ADGRL2: variants seen among roughly 807,000 people sequenced by gnomAD.
ADGRL2 encodes calcium-independent alpha-latrotoxin receptor 2.
In ADGRL2, 44 loss-of-function variants were observed where a neutral mutation model predicts 157.4. That is an observed-to-expected ratio of 0.28 (90% confidence interval 0.22 to 0.36). The LOEUF is 0.36. ADGRL2 is among the 10% of genes least tolerant of loss of function. The probability of loss-of-function intolerance (pLI) is 1.00; values close to 1 mark genes in which losing one functional copy is unlikely to be tolerated. For missense variants in ADGRL2, 1,510 were observed against 1,768.9 expected (o/e 0.85, Z 2.63); for synonymous variants, 585 against 624.7 (o/e 0.94, Z 0.95).
rs542727270 is a variant in ADGRL2, at chr1:81,429,597, G to A, written c.-301-15439G>A. Among the ~76,000 whole-genome samples, 81 of 152,260 alleles carry A rather than the reference G, an allele frequency of 5.3e-4. No homozygotes were observed. The South Asian group carries it at 9.3e-3, about 18-fold the overall frequency. On this transcript the variant is annotated intron_variant, in intron 1 of 24. Coordinates refer to the ADGRL2 transcript ENST00000370721. ...CTCAAACCAAATGCCTGCTTCCTTC[G>A]GTTCTGCCCTGAAGGAATGCTGCTA...
At chr1:81,837,451 G>A (rs1422904879) in intron 2 of ADGRL2, among the ~76,000 whole-genome samples, 1 of 151,794 alleles carries the variant, frequency 6.6e-6, no homozygotes, top group East Asian at 1.9e-4. Flanking sequence ...AAACTCCTAA[G>A]TTAAAATATG....
chr1:81,876,308 T>C (rs1383328927), intron 2 of ADGRL2, among the ~76,000 whole-genome samples: 1 of 152,170 alleles, frequency 6.6e-6, no homozygotes, highest in East Asian at 1.9e-4. Context: ...TCATTTATTT[T>C]TATCATAATT....
At chr1:81,607,551 C>T (rs1219793330) in intron 3 of ADGRL2, among the ~76,000 whole-genome samples, 2 of 148,206 alleles carry the variant, frequency 1.3e-5, no homozygotes, top group African/African-American at 2.4e-5. Flanking sequence ...CAAGATGACA[C>T]CAAAAAGTTC....
intron 2 of ADGRL2, among the ~76,000 whole-genome samples, chr1:81,449,571 A>G (rs2077667947): frequency 6.6e-6 from 1 of 152,138 alleles, no homozygotes; most frequent in Non-Finnish European, 1.5e-5. Flanking sequence ...CTACAATTAC[A>G]ACAGTTGAAT....
rs556745347 is a variant in ADGRL2, at chr1:81,992,118, A to T, written c.*973A>T. ...AAAAGATTGTGTGTCACCCCTGTTT[A>T]TTCTTGAACAGAGGGCAAAGAGGGC... On this transcript the variant is annotated 3_prime_UTR_variant, in exon 24 of 24. Coordinates refer to ENST00000686636, the MANE Select transcript of ADGRL2 (RefSeq NM_001366006.2). 6.5e-6 allele frequency: 1 copy of T among 152,692 alleles called. No individual in the cohort carries two copies. The highest frequency in any genetic ancestry group is 6.5e-5 in the Admixed American group (1 of 15,288). 9.5% of individuals were successfully genotyped at this position (152,692 alleles called of 1,614,324 possible).
chr1:81,991,194 A>G lies in ADGRL2; in HGVS notation c.*49A>G, dbSNP rs761243663. 8.5e-6 allele frequency: 13 copies of G among 1,521,004 alleles called. No homozygotes were observed. Among genetic ancestry groups the G allele is most frequent in the Non-Finnish European group, 1.1e-5 (12 of 1,128,994 alleles). 94.2% of individuals were successfully genotyped at this position (1,521,004 alleles called of 1,614,324 possible). ...GGCCACATGCGAGTATTAATAAATA[A>G]AGACACCATTGGCCTGACGCAGCTC... On this transcript the variant is annotated 3_prime_UTR_variant, in exon 24 of 24. Transcript: ENST00000686636.
intron 1 of ADGRL2, among the ~76,000 whole-genome samples, chr1:81,377,802 CTTA>C (rs2076275869): frequency 3.4e-5 from 1 of 29,144 alleles, no homozygotes; most frequent in Non-Finnish European, 7.7e-5. Context: ...ATCCTACCTC[CTTA>C]ACACCACATC....
chr1:81,804,466 C>A (rs1329729882), intron 1 of ADGRL2, among the ~76,000 whole-genome samples: 1 of 152,208 alleles, frequency 6.6e-6, no homozygotes, highest in African/African-American at 2.4e-5. Flanking sequence ...GAGAAAACTT[C>A]AGCCTGTCTT....
chr1:81,557,124 G>A (rs910232620), intron 2 of ADGRL2: 3 of 175,192 alleles, frequency 1.7e-5, no homozygotes, highest in African/African-American at 7.2e-5. Flanking sequence ...TGTTCAGGTT[G>A]GCTTCAGAGG....
rs80327519 is a variant in ADGRL2, at chr1:81,356,971, A to AAAAAAAGAAG, written c.-302+50464_-302+50465insAAAAGAAGAA. Among the ~76,000 whole-genome samples the AAAAAAAGAAG allele has an allele frequency of 5.9e-3, 581 of 99,306 alleles. 19 individuals are homozygous for AAAAAAAGAAG. The highest frequency in any genetic ancestry group is 0.016 in the African/African-American group (512 of 31,158). The allele number at this position is 99,306 out of a possible 152,430, so 65.1% of individuals were successfully genotyped here. A position where few individuals can be genotyped will look rare whatever the true frequency, so the allele number is the denominator to read the frequency against. Reference sequence around the variant, plus strand: ...CCGTCTCAAAAAAAAAAAAAAAAAAAAAGAAGTTGTTTCCTTTTAAAGCTC... The same window carrying AAAAAAAGAAG: ...CCGTCTCAAAAAAAAAAAAAAAAAAAAAAAAAGAAGAAGAAGTTGTTTCCTTTTAAAGCTC... On this transcript the variant is annotated intron_variant, in intron 1 of 24. Transcript: ENST00000370721.
chr1:81,788,315 C>T (rs1303882568), intron 2 of ADGRL2, among the ~76,000 whole-genome samples: 1 of 152,148 alleles, frequency 6.6e-6, no homozygotes. Flanking sequence ...GAGGATCCCT[C>T]ATATATGGCT....
intron 1 of ADGRL2, among the ~76,000 whole-genome samples, chr1:81,821,797 A>G (rs2091010431): frequency 6.6e-6 from 1 of 152,174 alleles, no homozygotes; most frequent in African/African-American, 2.4e-5. Context: ...TTATTAAAGC[A>G]TGTTAAATTT....
At chr1:81,647,929 G>A (rs1159362350) in intron 3 of ADGRL2, among the ~76,000 whole-genome samples, 3 of 152,124 alleles carry the variant, frequency 2.0e-5, no homozygotes, top group Admixed American at 2.0e-4. Context: ...CCTGCTTTGG[G>A]GTAAAATTGC....
At chr1:81,306,878 T>A (rs548249418) in intron 1 of ADGRL2, among the ~76,000 whole-genome samples, 4 of 26,162 alleles carry the variant, frequency 1.5e-4, no homozygotes, top group Non-Finnish European at 2.8e-4. Context: ...CCGTAACAAA[T>A]TTTTTTTTTA....
At chr1:81,614,091 G>A (rs1442719312) in intron 3 of ADGRL2, among the ~76,000 whole-genome samples, 1 of 152,030 alleles carries the variant, frequency 6.6e-6, no homozygotes, top group Admixed American at 6.6e-5. Context: ...GTTCAATACG[G>A]CAATTGTTAT....
intron 3 of ADGRL2, chr1:81,596,370 T>C: frequency 2.0e-6 from 1 of 511,856 alleles, no homozygotes; most frequent in Non-Finnish European, 3.8e-6. Flanking sequence ...TTCGAGATTC[T>C]TTTCCTTTCC....
intron 3 of ADGRL2, among the ~76,000 whole-genome samples, chr1:81,657,445 C>A (rs1485970642): frequency 6.6e-6 from 1 of 152,070 alleles, no homozygotes; most frequent in African/African-American, 2.4e-5. Context: ...TATAAATTAC[C>A]CAGTCTAAGA....
intron 1 of ADGRL2, among the ~76,000 whole-genome samples, chr1:81,723,752 G>A (rs1243310113): frequency 2.6e-5 from 4 of 152,148 alleles, no homozygotes; most frequent in African/African-American, 7.2e-5. Flanking sequence ...CAGGGCAGTG[G>A]CAATCTTGCT....
intron 2 of ADGRL2, among the ~76,000 whole-genome samples, chr1:81,545,287 AC>A (rs2079986583): frequency 7.1e-6 from 1 of 140,404 alleles, no homozygotes; most frequent in Non-Finnish European, 1.6e-5. Flanking sequence ...GACTGACTGA[AC>A]TTTTTTTTTT....
Sources: allele counts gnomAD v4.1 joint callset (sites outside exome capture counted in the v4.1 genomes callset), GRCh38; gene constraint gnomAD v4.1.1; transcripts MANE v1.5; gene names NCBI Gene and HGNC (gene_info 2026-07-23, HGNC 2026-07-21).